Variants in PCDHA2 observed in about 807,000 individuals in gnomAD.
PCDHA2 encodes protocadherin alpha-2.
In PCDHA2, 58 loss-of-function variants were observed where a neutral mutation model predicts 66.0. The observed-to-expected ratio is 0.88, with a 90% CI of 0.71 to 1.09. The LOEUF is 1.09. Among genes scored for constraint, PCDHA2 ranks in the 50% least tolerant of loss-of-function variants. PCDHA2 has a pLI of 0.00. For missense variants in PCDHA2, 1,267 were observed against 1,242.3 expected (o/e 1.02, Z -0.30); for synonymous variants, 634 against 554.0 (o/e 1.14, Z -2.03).
intron 1 of PCDHA2, among the ~76,000 whole-genome samples, chr5:140,896,047 G>T (rs1369678792): frequency 6.6e-6 from 1 of 152,138 alleles, no homozygotes; most frequent in Non-Finnish European, 1.5e-5. Context: ...CTGACCTCAG[G>T]TGATCCGCCT....
At chr5:140,813,919 C>G (rs1554126348) in intron 1 of PCDHA2, 1 of 152,274 alleles carries the variant, frequency 6.6e-6, no homozygotes, top group African/African-American at 2.4e-5. Context: ...GGATCCTTGA[C>G]TTGAGGAGGT....
intron 1 of PCDHA2, among the ~76,000 whole-genome samples, chr5:140,837,994 C>CA (rs1554136741): frequency 6.6e-6 from 1 of 150,494 alleles, no homozygotes; most frequent in Non-Finnish European, 1.5e-5. Context: ...TTCATCTTTC[C>CA]TTTTTTTTAA....
chr5:140,969,249 A>G (rs1586364972), intron 1 of PCDHA2: 1 of 1,614,240 alleles, frequency 6.2e-7, no homozygotes, highest in Admixed American at 1.7e-5. Flanking sequence ...GCAGTGACTG[A>G]CAGCAGGAAT....
At position 140,842,903 on chromosome 5, in the gene PCDHA2, C is replaced by G. The variant is rs2150347593; in HGVS notation, c.2388+45551C>G. The G allele has an allele frequency of 1.9e-5, 31 of 1,594,262 alleles. 5 individuals carry two copies. Among genetic ancestry groups the G allele is most frequent in the African/African-American group, 2.7e-5 (2 of 74,310 alleles). ...GCTGCAGCCGCTGGACCACGAGGAG[C>G]TAGAGCTGCTGCAGTTCCAGGTGAG... On this transcript the variant is annotated intron_variant, in intron 1 of 3. Coordinates refer to ENST00000526136, the MANE Select transcript of PCDHA2 (RefSeq NM_018905.3).
In PCDHA2 at chr5:140,796,246, C is replaced by A. The variant is rs1554119786; in HGVS notation, c.1282C>A (p.Arg428=). The change falls in exon 1 of 4, where the codon CGG becomes AGG. Residue 428 remains arginine, a synonymous_variant. Transcript: ENST00000526136. ...VSAYELVVTA[R]DGGSPSLWAT... ...AGCCTATGAGCTGGTGGTGACCGCA[C>A]GGGACGGGGGCTCGCCTTCACTGTG... 27 of 1,614,148 alleles carry A rather than the reference C, an allele frequency of 1.7e-5. No individual in the cohort carries two copies. Among genetic ancestry groups the A allele is most frequent in the Non-Finnish European group, 2.1e-5 (25 of 1,180,036 alleles).
chr5:140,862,449 G>A (rs904755604), intron 1 of PCDHA2: 31 of 364,384 alleles, frequency 8.5e-5, no homozygotes, highest in African/African-American at 6.4e-4. Context: ...ACTCCACAGC[G>A]CCCTGGACCA....
intron 1 of PCDHA2, chr5:140,828,757 C>A: frequency 6.2e-7 from 1 of 1,614,234 alleles, no homozygotes; most frequent in Non-Finnish European, 8.5e-7. Flanking sequence ...AACCTGAGCT[C>A]ACAGGCACTG....
intron 1 of PCDHA2, chr5:140,926,742 C>A: frequency 8.3e-7 from 1 of 1,199,336 alleles, no homozygotes; most frequent in Non-Finnish European, 1.1e-6. Flanking sequence ...GGAGGCGCAA[C>A]GTCGGCGGTC....
intron 3 of PCDHA2, among the ~76,000 whole-genome samples, chr5:141,004,953 G>A (rs1409171628): frequency 7.2e-5 from 11 of 152,166 alleles, no homozygotes; most frequent in African/African-American, 2.4e-4. Context: ...ACCCTCTCTC[G>A]TCACTGCCTG....
intron 1 of PCDHA2, chr5:140,836,463 G>T: frequency 6.2e-7 from 1 of 1,613,838 alleles, no homozygotes. Flanking sequence ...GACCGAGCTG[G>T]TGGATGTCAA....
chr5:140,826,838 C>T (rs1769075989), intron 1 of PCDHA2, among the ~76,000 whole-genome samples: 1 of 152,062 alleles, frequency 6.6e-6, no homozygotes, highest in Admixed American at 6.5e-5. Context: ...AGAAGTTTCT[C>T]AAGTGTCTTG....
chr5:140,923,183 C>G (rs2081208346), intron 1 of PCDHA2, among the ~76,000 whole-genome samples: 2 of 152,206 alleles, frequency 1.3e-5, no homozygotes, highest in South Asian at 4.1e-4. Context: ...TCAGATGCAT[C>G]TACTGCAGCA....
chr5:141,002,612 CA>C, intron 3 of PCDHA2, among the ~76,000 whole-genome samples: 1 of 152,178 alleles, frequency 6.6e-6, no homozygotes, highest in Non-Finnish European at 1.5e-5. Flanking sequence ...AAAACAGACA[CA>C]TAACACAGAC....
intron 1 of PCDHA2, chr5:140,968,978 G>A: frequency 1.9e-6 from 3 of 1,614,212 alleles, no homozygotes; most frequent in Non-Finnish European, 1.7e-6. Flanking sequence ...CACTGCGTAT[G>A]GCACTGCATG....
intron 1 of PCDHA2, among the ~76,000 whole-genome samples, chr5:140,891,237 T>C (rs2063002731): frequency 6.6e-6 from 1 of 152,210 alleles, no homozygotes; most frequent in South Asian, 2.1e-4. Flanking sequence ...CTGTTCTGGA[T>C]TCAGTAGGAT....
Position 140,842,122 on chromosome 5 carries a change from T to A in PCDHA2, c.2388+44770T>A, listed in dbSNP as rs2150329697. On this transcript the variant is annotated intron_variant, in intron 1 of 3. Transcript: ENST00000526136. Reference sequence around the variant, plus strand: ...CAACAGTTATCAAACTGAATGCTTCTGATCCGGATGAAGGAGCCAATGGGG... The same window carrying A: ...CAACAGTTATCAAACTGAATGCTTCAGATCCGGATGAAGGAGCCAATGGGG... 9 of 1,613,784 alleles carry A rather than the reference T, an allele frequency of 5.6e-6. No individual in the cohort carries two copies. In the South Asian group the frequency reaches 8.8e-5, roughly 16 times the overall value.
At chr5:140,976,787 C>T (rs1460336492) in intron 1 of PCDHA2, among the ~76,000 whole-genome samples, 3 of 152,150 alleles carry the variant, frequency 2.0e-5, no homozygotes, top group Admixed American at 6.5e-5. Flanking sequence ...TATATAGCTA[C>T]GCTTTTATGA....
intron 1 of PCDHA2, among the ~76,000 whole-genome samples, chr5:140,894,631 A>G (rs1413513485): frequency 6.6e-6 from 1 of 151,582 alleles, no homozygotes; most frequent in Non-Finnish European, 1.5e-5. Flanking sequence ...TTCTCCAATC[A>G]TATCATTACT....
chr5:140,972,773 T>C (rs201511055), intron 1 of PCDHA2, among the ~76,000 whole-genome samples: 2 of 151,600 alleles, frequency 1.3e-5, no homozygotes, highest in African/African-American at 2.4e-5. Context: ...AAGTGATTCT[T>C]CTGCCTCAGC....
Sources: allele counts gnomAD v4.1 joint callset (sites outside exome capture counted in the v4.1 genomes callset), GRCh38; gene constraint gnomAD v4.1.1; transcripts MANE v1.5; gene names NCBI Gene and HGNC (gene_info 2026-07-23, HGNC 2026-07-21).